CS: variants seen among roughly 807,000 people sequenced by gnomAD.
The protein encoded by CS is citrate synthase, mitochondrial.
CS carries 13 observed loss-of-function variants against 61.4 expected under a neutral mutation model. That is an observed-to-expected ratio of 0.21 (90% CI 0.14 to 0.34). The LOEUF (loss-of-function observed/expected upper bound fraction) is 0.34, where lower values mean the gene tolerates loss of function less well. Among genes scored for constraint, CS ranks in the 10% least tolerant of loss-of-function variants. The probability of loss-of-function intolerance (pLI) is 1.00; values close to 1 mark genes in which losing one functional copy is unlikely to be tolerated. For synonymous variants in CS, 159 were observed against 215.2 expected (o/e 0.74, Z 2.29); for missense variants, 278 against 573.4 (o/e 0.48, Z 5.26).
chr12:56,289,669 C>G (rs551999317), intron 1 of CS, among the ~76,000 whole-genome samples: 3 of 152,038 alleles, frequency 2.0e-5, no homozygotes, highest in African/African-American at 7.2e-5. Context: ...GTCTCGATCT[C>G]CTGACCTCGT....
intron 1 of CS, among the ~76,000 whole-genome samples, chr12:56,295,506 G>A (rs1873269804): frequency 6.6e-6 from 1 of 151,600 alleles, no homozygotes; most frequent in South Asian, 2.1e-4. Flanking sequence ...GGGTGACAGA[G>A]CGAGACTCCA....
intron 1 of CS, among the ~76,000 whole-genome samples, chr12:56,293,891 C>A (rs989651729): frequency 1.3e-5 from 2 of 152,178 alleles, no homozygotes; most frequent in Non-Finnish European, 2.9e-5. Context: ...GGAAAAAATC[C>A]TGTACTACAG....
chr12:56,286,228 G>C, intron 2 of CS: 1 of 572,406 alleles, frequency 1.7e-6, no homozygotes, highest in Non-Finnish European at 3.1e-6. Flanking sequence ...ACAGTTTCTC[G>C]GTTTGGGCAG....
At chr12:56,274,151 G>A (rs1452893495) in intron 9 of CS, 2 of 265,204 alleles carry the variant, frequency 7.5e-6, no homozygotes, top group East Asian at 9.7e-5. Context: ...GAGAAACCCC[G>A]TCTCTACTAA....
chr12:56,286,288 T>G (rs1872937101), intron 2 of CS: 2 of 550,454 alleles, frequency 3.6e-6, no homozygotes, highest in South Asian at 4.8e-5. Context: ...ACATATCTAC[T>G]GCCACTAAAC....
At position 56,273,735 on chromosome 12, in the gene CS, C is replaced by T. The variant is rs746577006; in HGVS notation, c.1082G>A (p.Arg361Gln). 12 of 1,614,068 alleles carry T rather than the reference C, an allele frequency of 7.4e-6. No homozygotes were observed. Among genetic ancestry groups the T allele is most frequent in the Admixed American group, 1.7e-5 (1 of 60,002 alleles). ...RKTDPRYTCQ[R>Q]EFALKHLPND... is the part of the protein sequence containing the mutation. ...AGGCAGGTGTTTCAGAGCAAACTCT[C>T]GCTGACAGGTATATCGCGGATCAGT... Residue 361 changes from arginine to glutamine, a missense_variant, in exon 10 of 11, where the codon CGA becomes CAA. By Grantham distance (43) the Arg-to-Gln change is conservative. Transcript: ENST00000351328.
intron 1 of CS, 166 bp downstream of exon 1, chr12:56,299,994 G>A: frequency 1.6e-6 from 1 of 617,596 alleles, no homozygotes; most frequent in Non-Finnish European, 2.7e-6. Flanking sequence ...GGGAAGCGCG[G>A]CACATGGTCC....
At position 56,274,200 on chromosome 12, in the gene CS, A is replaced by T. The variant is rs1407743108; in HGVS notation, c.1021-404T>A. The T allele has an allele frequency of 1.3e-5, 3 of 222,436 alleles. No individual in the cohort carries two copies. The Admixed American group carries it at 1.6e-4, about 12-fold the overall frequency. The allele number at this position is 222,436 out of a possible 1,614,324, so 13.8% of individuals were successfully genotyped here. On this transcript the variant is annotated intron_variant, in intron 9 of 10. Transcript: ENST00000351328. ...GCCGGGCATGGTGGCGCATGCCTGTAATCCCAGCTACTCGAGAGGATGAGG... is the reference window on the plus strand; with the variant it reads ...GCCGGGCATGGTGGCGCATGCCTGTTATCCCAGCTACTCGAGAGGATGAGG...
At chr12:56,280,835 G>C (rs1872760054) in intron 6 of CS, among the ~76,000 whole-genome samples, 1 of 152,002 alleles carries the variant, frequency 6.6e-6, no homozygotes, top group South Asian at 2.1e-4. Context: ...TTATAAATAA[G>C]CCTTTATAAA....
chr12:56,282,701 AG>A, intron 5 of CS, 93 bp from the exon 6 acceptor site: 3 of 1,522,764 alleles, frequency 2.0e-6, no homozygotes, highest in Non-Finnish European at 2.7e-6. Context: ...AGAAAACCCA[AG>A]AGAGGTCAAC....
At position 56,285,967 on chromosome 12, in the gene CS, A is replaced by G. The variant is rs1802236; in HGVS notation, c.150T>C (p.Thr50=). The change falls in exon 3 of 11, where the codon ACT becomes ACC. Residue 50 remains threonine (T), a synonymous_variant. Transcript: ENST00000351328. The part of the protein sequence containing the change: ...LIPKEQARIK[T]FRQQHGKTVV... ...CCGTCTTGCCATGTTGCTGCCTGAA[A>G]GTCTTAATTCTGGCCTGCTCCTTAG... 0.058 allele frequency: 93,760 copies of G among 1,613,170 alleles called. 3,149 individuals are homozygous for G. The highest frequency in any genetic ancestry group is 0.066 in the Non-Finnish European group (78,426 of 1,179,678).
intron 1 of CS, among the ~76,000 whole-genome samples, chr12:56,290,746 A>G (rs1022358426): frequency 1.3e-5 from 2 of 152,190 alleles, no homozygotes; most frequent in African/African-American, 2.4e-5. Context: ...TCCTAGCTCC[A>G]TTACTAATTA....
intron 3 of CS, among the ~76,000 whole-genome samples, chr12:56,284,563 AC>A (rs1872877443): frequency 6.7e-6 from 1 of 149,914 alleles, no homozygotes; most frequent in Admixed American, 6.7e-5. Context: ...GGCACGTGCC[AC>A]CATGTCTGGC....
intron 6 of CS, among the ~76,000 whole-genome samples, chr12:56,278,571 T>C (rs1432221004): frequency 6.6e-6 from 1 of 151,836 alleles, no homozygotes; most frequent in East Asian, 2.0e-4. Context: ...ACCCCATCTC[T>C]ACTAAAAATA....
At chr12:56,300,073 G>T in intron 1 of CS, 87 bp downstream of exon 1, 1 of 1,356,852 alleles carries the variant, frequency 7.4e-7, no homozygotes, top group East Asian at 2.6e-5. Flanking sequence ...GTGCGCACGG[G>T]TGTGGGAGGG....
chr12:56,286,554 C>T (rs977806588), intron 2 of CS, 41 bp downstream of exon 2: 20 of 1,598,178 alleles, frequency 1.3e-5, no homozygotes, highest in Admixed American at 1.0e-4. Context: ...TCAGGCTGGC[C>T]GCAATGATTC....
At chr12:56,290,210 T>TAAA (rs1484734897) in intron 1 of CS, among the ~76,000 whole-genome samples, 10 of 151,826 alleles carry the variant, frequency 6.6e-5, no homozygotes, top group African/African-American at 2.2e-4. Context: ...TTATGTTTTT[T>TAAA]TGTTTGTTTG....
chr12:56,291,018 C>T (rs1250437317), intron 1 of CS, among the ~76,000 whole-genome samples: 1 of 152,196 alleles, frequency 6.6e-6, no homozygotes, highest in Non-Finnish European at 1.5e-5. Flanking sequence ...TGCCACCTTC[C>T]CACTGTGTTA....
chr12:56,299,756 C>T, intron 1 of CS: 1 of 211,110 alleles, frequency 4.7e-6, no homozygotes, highest in South Asian at 5.8e-5. Flanking sequence ...AGAGTGAGCA[C>T]ATATCTTCAC....
Sources: gnomAD v4.1 joint callset for allele counts (sites outside exome capture counted in the v4.1 genomes callset) on GRCh38, gnomAD v4.1.1 for gene constraint, MANE v1.5 for transcripts, NCBI Gene and HGNC (gene_info 2026-07-23, HGNC 2026-07-21) for gene names.